Variants in ORC3 observed in about 807,000 individuals in gnomAD.
ORC3 encodes the protein homolog of latheo, Drosophila.
ORC3 carries 78 observed loss-of-function variants against 100.7 expected under a neutral mutation model. The ratio of observed to expected loss-of-function variants is 0.77; its 90% CI spans 0.65 to 0.94. The LOEUF (loss-of-function observed/expected upper bound fraction) is 0.94. Ranked by LOEUF, ORC3 falls within the 40% of genes least tolerant of loss-of-function variation. The probability of loss-of-function intolerance (pLI) is 0.00; values close to 1 mark genes in which losing one functional copy is unlikely to be tolerated. For synonymous variants in ORC3, 295 were observed against 289.3 expected (o/e 1.02, Z -0.20); for missense variants, 789 against 823.9 (o/e 0.96, Z 0.52).
At chr6:87,645,786 GATGATTGCTTTTA>G (rs1242465835) in intron 13 of ORC3, among the ~76,000 whole-genome samples, 4 of 152,104 alleles carry the variant, frequency 2.6e-5, no homozygotes, top group South Asian at 4.2e-4. Flanking sequence ...TGCCCTGCAG[GATGATTGCTTTTA>G]ATGATTGCTT....
chr6:87,649,660 C>T (rs1277154393), intron 13 of ORC3, among the ~76,000 whole-genome samples: 1 of 152,164 alleles, frequency 6.6e-6, no homozygotes, highest in African/African-American at 2.4e-5. Flanking sequence ...ACAGGAGAAT[C>T]GCCTGAACCC....
chr6:87,638,232 C>T (rs1211426154), intron 13 of ORC3, among the ~76,000 whole-genome samples: 2 of 152,142 alleles, frequency 1.3e-5, no homozygotes, highest in African/African-American at 2.4e-5. Context: ...CAAGGACAGG[C>T]AGGAGTCTGG....
intron 2 of ORC3, among the ~76,000 whole-genome samples, chr6:87,600,428 T>C (rs1444735228): frequency 2.0e-5 from 3 of 152,200 alleles, no homozygotes; most frequent in Admixed American, 2.0e-4. Flanking sequence ...TTTTATCTAG[T>C]CAAATACCAG....
intron 13 of ORC3, among the ~76,000 whole-genome samples, chr6:87,650,702 C>A (rs1041937306): frequency 6.6e-6 from 1 of 151,508 alleles, no homozygotes; most frequent in Non-Finnish European, 1.5e-5. Flanking sequence ...AAAACATAAT[C>A]TTTGGCTAAG....
In ORC3 at chr6:87,607,681, CA is replaced by C. The variant is rs1345924466; in HGVS notation, c.437del (p.His146LeufsTer6). On this transcript the variant is annotated frameshift_variant, in exon 6 of 20. Transcript: ENST00000392844. LOFTEE classifies it high-confidence loss of function. Reference sequence around the variant, plus strand: ...CTTTTTATATTCCACAGATATGAAACATTTTTTGCAAAAGTTGATCTCACAG... The same window carrying C: ...CTTTTTATATTCCACAGATATGAAACTTTTTTGCAAAAGTTGATCTCACAG... ...LQAKDCPDMK[H>X]FLQKLISQLM... The C allele has an allele frequency of 5.0e-6, 8 of 1,599,630 alleles. No homozygotes were observed. The highest frequency in any genetic ancestry group is 6.8e-6 in the Non-Finnish European group (8 of 1,174,228).
chr6:87,646,457 A>G (rs1277162629), intron 13 of ORC3, among the ~76,000 whole-genome samples: 1 of 152,132 alleles, frequency 6.6e-6, no homozygotes, highest in Non-Finnish European at 1.5e-5. Flanking sequence ...TTTATTTTAA[A>G]ACAAAATGTT....
chr6:87,634,812 T>A, intron 11 of ORC3, 33 bp from the exon 12 acceptor site: 1 of 1,031,986 alleles, frequency 9.7e-7, no homozygotes, highest in Non-Finnish European at 1.5e-6. Context: ...ATTAGCTGAC[T>A]TACATATTAA....
At chr6:87,662,428 G>A (rs959849034) in intron 16 of ORC3, among the ~76,000 whole-genome samples, 2 of 151,900 alleles carry the variant, frequency 1.3e-5, no homozygotes, top group African/African-American at 4.8e-5. Context: ...GTGAAACTCC[G>A]TCTCAAAAAA....
intron 19 of ORC3, among the ~76,000 whole-genome samples, chr6:87,666,360 G>A (rs111954572): frequency 2.0e-5 from 3 of 150,886 alleles, no homozygotes; most frequent in Non-Finnish European, 4.4e-5. Flanking sequence ...TCGAACTCCT[G>A]ACCTTGTGAT....
intron 13 of ORC3, among the ~76,000 whole-genome samples, chr6:87,646,358 A>G (rs1343426044): frequency 3.3e-5 from 5 of 152,120 alleles, no homozygotes; most frequent in African/African-American, 7.2e-5. Flanking sequence ...AATGTGACCT[A>G]TCTTAGACAT....
rs41273293 is a variant in ORC3 at position 87,594,413 on chromosome 6, G to T, written c.79+6G>T. 2,670 of 1,565,924 alleles carry T rather than the reference G, an allele frequency of 1.7e-3. 7 individuals carry two copies. The highest frequency in any genetic ancestry group is 2.3e-3 in the Non-Finnish European group (2,592 of 1,147,700). The stretch of plus-strand genomic sequence containing the variant: ...AAAGATCTCTCTGCCAATAGGTAAG[G>T]TGTCTGAATATTAAATTTTTTATTC... On this transcript the variant is annotated splice_donor_region_variant and intron_variant, in intron 2 of 19. Transcript: ENST00000392844.
At chr6:87,616,818 C>T (rs1265125932) in intron 9 of ORC3, among the ~76,000 whole-genome samples, 8 of 147,038 alleles carry the variant, frequency 5.4e-5, no homozygotes, top group Non-Finnish European at 7.5e-5. Flanking sequence ...TTTTTTTTTT[C>T]GAGATGGAGT....
At chr6:87,627,327 G>A (rs1444569573) in intron 11 of ORC3, among the ~76,000 whole-genome samples, 4 of 109,506 alleles carry the variant, frequency 3.7e-5, no homozygotes, top group Non-Finnish European at 3.7e-5. Flanking sequence ...AGGGGGTCTC[G>A]CTCTATCGCC....
chr6:87,651,850 C>T (rs1027471157), intron 13 of ORC3, among the ~76,000 whole-genome samples: 3 of 151,442 alleles, frequency 2.0e-5, no homozygotes, highest in African/African-American at 7.3e-5. Flanking sequence ...AGTTGTATTA[C>T]AAAATGCCCA....
Position 87,653,389 on chromosome 6 carries a change from G to T in ORC3, c.1516+140G>T, listed in dbSNP as rs1036131025. 4 of 654,906 alleles carry T rather than the reference G, an allele frequency of 6.1e-6. No individual in the cohort carries two copies. The African/African-American group carries it at 7.2e-5, about 12-fold the overall frequency. 40.6% of individuals were successfully genotyped at this position (654,906 alleles called of 1,614,324 possible). A position where few individuals can be genotyped will look rare whatever the true frequency, so the allele number is the denominator to read the frequency against. ...ATCAGTCAGTATGCCAAGCCTCATA[G>T]TATCACATTTTAACAATCACAAATA... On this transcript the variant is annotated intron_variant, in intron 14 of 19. Transcript: ENST00000392844.
the ORC3 span, among the ~76,000 whole-genome samples, chr6:87,672,479 G>A: frequency 2.6e-5 from 4 of 152,326 alleles, no homozygotes; most frequent in East Asian, 7.7e-4. Context: ...GCAGGAGCAA[G>A]AGAATTGTGG....
rs762210269 is a variant in ORC3, at chr6:87,616,336, C to T, written c.896C>T (p.Pro299Leu). Residue 299 changes from proline (P) to leucine (L), a missense_variant, in exon 9 of 20, where the codon CCC (proline) becomes CTC (leucine). Transcript: ENST00000392844. ...LDKLLLTTQF[P>L]FKINEKVLQV... ...CAGCTACTTCTTACAACTCAGTTTC[C>T]CTTTAAAATAAATGAAAAAGTATTA... 2.7e-6 allele frequency: 4 copies of T among 1,460,924 alleles called. No homozygotes were observed. The highest frequency in any genetic ancestry group is 3.8e-6 in the Non-Finnish European group (4 of 1,042,058). 90.5% of individuals were successfully genotyped at this position (1,460,924 alleles called of 1,614,324 possible).
In ORC3 at chr6:87,656,927, CT is replaced by C. The variant is rs770671836; in HGVS notation, c.1540del (p.Ser514LeufsTer23). 6.2e-7 allele frequency: 1 copy of C among 1,612,976 alleles called. No individual in the cohort carries two copies. Among genetic ancestry groups the C allele is most frequent in the East Asian group, 2.2e-5 (1 of 44,824 alleles). ...GCAGAAACCAAAGAGGAAGAAGATG[CT>C]TCTGGGTCACAGCCAAAGGGGCTTC... is the stretch of plus-strand genomic sequence containing the variant. Reference protein sequence around the residue: ...SLDETKEEEDASGSQPKGLQK... With the variant: ...SLDETKEEEDXSGSQPKGLQK... On this transcript the variant is annotated frameshift_variant, in exon 15 of 20. Transcript: ENST00000392844. LOFTEE classifies it high-confidence loss of function.
intron 19 of ORC3, among the ~76,000 whole-genome samples, chr6:87,666,104 A>G (rs1186953589): frequency 6.6e-6 from 1 of 152,090 alleles, no homozygotes; most frequent in East Asian, 1.9e-4. Context: ...CCATTATTGA[A>G]TTCTCTTTTT....
Sources: allele counts gnomAD v4.1 joint callset (sites outside exome capture counted in the v4.1 genomes callset), GRCh38; gene constraint gnomAD v4.1.1; transcripts MANE v1.5; gene names NCBI Gene and HGNC (gene_info 2026-07-23, HGNC 2026-07-21).